DNAH14: variants seen among roughly 807,000 people sequenced by gnomAD.
DNAH14 encodes the protein dynein axonemal heavy chain 14, also known as axonemal beta dynein heavy chain 14.
DNAH14 carries 478 observed loss-of-function variants against 520.9 expected under a neutral mutation model. The ratio of observed to expected loss-of-function variants is 0.92; its 90% CI spans 0.85 to 0.99. The LOEUF (loss-of-function observed/expected upper bound fraction) is 0.99. Ranked by LOEUF, DNAH14 falls within the 50% of genes least tolerant of loss-of-function variation. The pLI is 0.00. For missense variants in DNAH14, 4,831 were observed against 5,234.5 expected, an observed-to-expected ratio of 0.92 and a Z score of 2.38; for synonymous variants, 1,581 against 1,757.2, an observed-to-expected ratio of 0.90 and a Z score of 2.51.
intron 36 of DNAH14, among the ~76,000 whole-genome samples, chr1:225,173,259 G>T (rs1357441539): frequency 2.0e-5 from 3 of 152,160 alleles, no homozygotes; most frequent in African/African-American, 7.2e-5. Flanking sequence ...ATTGACAAAT[G>T]GGATCTAATT....
At chr1:225,107,566 T>C (rs1164280392) in intron 23 of DNAH14, among the ~76,000 whole-genome samples, 2 of 151,994 alleles carry the variant, frequency 1.3e-5, no homozygotes, top group African/African-American at 4.8e-5. Context: ...GTAGGCAAGA[T>C]AGAAGTGGGA....
intron 42 of DNAH14, among the ~76,000 whole-genome samples, chr1:225,234,635 C>G (rs1394323664): frequency 6.6e-6 from 1 of 152,148 alleles, no homozygotes; most frequent in East Asian, 1.9e-4. Flanking sequence ...TTGCTTTGGG[C>G]AGTATGGTCC....
Position 225,159,359 on chromosome 1 carries a change from T to C in DNAH14, c.5319T>C (p.Val1773=), listed in dbSNP as rs1198399629. 1.9e-6 allele frequency: 3 copies of C among 1,551,772 alleles called. No individual in the cohort carries two copies. The Admixed American group carries it at 5.9e-5, about 30-fold the overall frequency. Residue 1773 remains valine, a synonymous_variant, in exon 35 of 86, where the codon GTT becomes GTC. Transcript: ENST00000682510. ...SLSEADETLI[V]IEAIREASLP... is the part of the protein sequence containing the mutation. ...CTGAAGCAGATGAAACCTTGATTGT[T>C]ATCGAGGCTATAAGAGAAGCTAGTT...
intron 10 of DNAH14, among the ~76,000 whole-genome samples, chr1:225,013,139 G>A (rs2064931041): frequency 1.3e-5 from 2 of 151,924 alleles, no homozygotes; most frequent in African/African-American, 4.8e-5. Flanking sequence ...ACCTTCAGAT[G>A]GAGTTTTTGC....
chr1:225,166,661 C>T (rs973447954), intron 35 of DNAH14, among the ~76,000 whole-genome samples: 1 of 152,144 alleles, frequency 6.6e-6, no homozygotes, highest in Non-Finnish European at 1.5e-5. Flanking sequence ...ATCTGAATCA[C>T]ATTTAATAGG....
At chr1:225,050,598 G>A (rs1053928107) in intron 16 of DNAH14, among the ~76,000 whole-genome samples, 1 of 151,994 alleles carries the variant, frequency 6.6e-6, no homozygotes, top group Non-Finnish European at 1.5e-5. Context: ...CTCTTTTATG[G>A]CTACCTCATA....
At chr1:225,252,778 C>T (rs1446863486) in intron 44 of DNAH14, among the ~76,000 whole-genome samples, 20 of 152,152 alleles carry the variant, frequency 1.3e-4, no homozygotes, top group African/African-American at 4.8e-4. Context: ...TATGTAAAAA[C>T]TTACACTTAA....
At chr1:225,005,799 A>C (rs973825075) in intron 9 of DNAH14, among the ~76,000 whole-genome samples, 1 of 152,174 alleles carries the variant, frequency 6.6e-6, no homozygotes, top group African/African-American at 2.4e-5. Context: ...GAAAGAAGGA[A>C]GAATGATGTA....
At chr1:225,295,798 G>A (rs2093993026) in intron 55 of DNAH14, among the ~76,000 whole-genome samples, 1 of 152,102 alleles carries the variant, frequency 6.6e-6, no homozygotes, top group African/African-American at 2.4e-5. Context: ...TCTGATGTTT[G>A]CTGATTTTCT....
chr1:225,352,939 A>G (rs951956788), intron 72 of DNAH14, among the ~76,000 whole-genome samples: 1 of 152,038 alleles, frequency 6.6e-6, no homozygotes, highest in Non-Finnish European at 1.5e-5. Context: ...TTTGGGACCC[A>G]TAATTTATTA....
intron 84 of DNAH14, chr1:225,395,866 C>T (rs948338754): frequency 6.6e-6 from 1 of 152,082 alleles, no homozygotes; most frequent in Non-Finnish European, 1.5e-5. Flanking sequence ...CCTCAGCACT[C>T]ATCAGACTGC....
At chr1:225,355,223 C>T (rs1038394098) in intron 73 of DNAH14, among the ~76,000 whole-genome samples, 3 of 152,144 alleles carry the variant, frequency 2.0e-5, no homozygotes, top group African/African-American at 7.2e-5. Context: ...GTGGCATCGT[C>T]TTGCTGTGTC....
intron 5 of DNAH14, among the ~76,000 whole-genome samples, 198 bp downstream of exon 5, chr1:224,964,807 A>G (rs1207644551): frequency 6.6e-6 from 1 of 152,166 alleles, no homozygotes; most frequent in Non-Finnish European, 1.5e-5. Flanking sequence ...GATAAAGCAT[A>G]TAAACTTTAA....
At chr1:225,236,466 C>A (rs935467971) in intron 42 of DNAH14, among the ~76,000 whole-genome samples, 1 of 152,058 alleles carries the variant, frequency 6.6e-6, no homozygotes, top group East Asian at 1.9e-4. Flanking sequence ...TTAGAGTAAG[C>A]ACCATGTGGT....
chr1:225,379,778 G>C (rs2095756363), intron 79 of DNAH14, among the ~76,000 whole-genome samples: 1 of 152,114 alleles, frequency 6.6e-6, no homozygotes, highest in African/African-American at 2.4e-5. Flanking sequence ...GTCTGCCTCG[G>C]CCTCCCAAAT....
intron 36 of DNAH14, among the ~76,000 whole-genome samples, chr1:225,168,740 TA>T (rs955989863): frequency 6.6e-6 from 1 of 151,982 alleles, no homozygotes; most frequent in Admixed American, 6.6e-5. Context: ...CACAGCCAAA[TA>T]AAAAATAGCA....
At chr1:225,085,893 C>T (rs950033065) in intron 21 of DNAH14, 104 bp downstream of exon 21, 12 of 1,100,028 alleles carry the variant, frequency 1.1e-5, no homozygotes, top group Non-Finnish European at 1.4e-5. Flanking sequence ...ATAAATCATT[C>T]ATATACTTAT....
intron 9 of DNAH14, among the ~76,000 whole-genome samples, chr1:225,006,693 C>T (rs914728946): frequency 6.6e-6 from 1 of 152,194 alleles, no homozygotes; most frequent in Non-Finnish European, 1.5e-5. Flanking sequence ...GATGACAATG[C>T]ATGCCCAGTG....
chr1:225,159,497 T>G lies in DNAH14; in HGVS notation c.5445+12T>G, dbSNP rs890403611. On this transcript the variant is annotated intron_variant, in intron 35 of 85. Transcript: ENST00000682510. The stretch of plus-strand genomic sequence containing the variant: ...AACTTGCCTTGGAGGTAAAAAGACC[T>G]TTGAAAATCATCACCAATTATTTGG... 1.1e-5 allele frequency: 16 copies of G among 1,498,062 alleles called. No homozygotes were observed. In the Admixed American group the frequency reaches 3.4e-4, roughly 32 times the overall value. 92.8% of individuals were successfully genotyped at this position (1,498,062 alleles called of 1,614,324 possible).
Sources: allele counts gnomAD v4.1 joint callset (sites outside exome capture counted in the v4.1 genomes callset), GRCh38; gene constraint gnomAD v4.1.1; transcripts MANE v1.5; gene names NCBI Gene and HGNC (gene_info 2026-07-23, HGNC 2026-07-21).